The following LEPR variants were observed in gnomAD, a reference collection of about 807,000 sequenced individuals.
LEPR encodes OB receptor.
LEPR carries 56 observed loss-of-function variants against 114.7 expected under a neutral mutation model. The ratio of observed to expected loss-of-function variants is 0.49; its 90% CI spans 0.39 to 0.61. The LOEUF (loss-of-function observed/expected upper bound fraction) is 0.61, where lower values mean the gene tolerates loss of function less well. LEPR is among the 20% of genes least tolerant of loss of function. The pLI, the probability that LEPR is intolerant of heterozygous loss-of-function variation, is 0.00. For missense variants in LEPR, 1,202 were observed against 1,352.9 expected (o/e 0.89, Z 1.75); for synonymous variants, 443 against 461.4 (o/e 0.96, Z 0.51).
chr1:65,463,915 A>G (rs1035091185), intron 2 of LEPR, among the ~76,000 whole-genome samples: 2 of 152,256 alleles, frequency 1.3e-5, no homozygotes, highest in South Asian at 4.1e-4. Context: ...CAGCTTAAGG[A>G]GATTTTGGGC....
intron 2 of LEPR, among the ~76,000 whole-genome samples, chr1:65,437,917 C>T (rs551640033): frequency 6.6e-6 from 1 of 151,774 alleles, no homozygotes; most frequent in Non-Finnish European, 1.5e-5. Context: ...AAGGGTTCCT[C>T]CCACTTCTAC....
In LEPR at chr1:65,488,226, C is replaced by CTCTCTCTT. The variant is rs1553157734; in HGVS notation, c.-21+62851_-21+62852insCTCTTTCT. 5.3e-4 allele frequency among the ~76,000 whole-genome samples: 36 copies of CTCTCTCTT among 67,960 alleles called. 2 individuals carry two copies. The highest frequency in any genetic ancestry group is 1.8e-3 in the Admixed American group (12 of 6,544). 44.6% of individuals were successfully genotyped at this position (67,960 alleles called of 152,430 possible). A position where few individuals can be genotyped will look rare whatever the true frequency, so the allele number is the denominator to read the frequency against. ...TTTCTTTCTTTCTCTCTCTCTCTCT[C>CTCTCTCTT]TCTTTCTTTCTTTCTTTCTTTCTTT... On this transcript the variant is annotated intron_variant, in intron 2 of 19. Transcript: ENST00000349533.
intron 14 of LEPR, among the ~76,000 whole-genome samples, chr1:65,611,917 C>G (rs1657193856): frequency 6.6e-6 from 1 of 152,110 alleles, no homozygotes; most frequent in Admixed American, 6.5e-5. Context: ...TTTTGGACAA[C>G]AAAGCTCTAT....
chr1:65,544,382 T>G (rs746638665), intron 2 of LEPR, among the ~76,000 whole-genome samples: 14 of 152,144 alleles, frequency 9.2e-5, no homozygotes, highest in Non-Finnish European at 1.6e-4. Context: ...TCATGTCCTC[T>G]GCAAACAGAG....
In LEPR at chr1:65,636,184, C is replaced by G. The variant is rs772338174; in HGVS notation, c.2674-7C>G. On this transcript the variant is annotated splice_polypyrimidine_tract_variant and splice_region_variant and intron_variant, in intron 19 of 19. Transcript: ENST00000349533. ...AATTGAGCCTTAAAATGTGTCTTTT[C>G]TTTTAGCCAGAAACGTTTGAGCATC... 1 of 1,613,586 alleles carries G rather than the reference C, an allele frequency of 6.2e-7. No individual in the cohort carries two copies. The highest frequency in any genetic ancestry group is 1.7e-5 in the Admixed American group (1 of 59,980).
At chr1:65,584,214 T>C (rs938658845) in intron 5 of LEPR, among the ~76,000 whole-genome samples, 3 of 152,082 alleles carry the variant, frequency 2.0e-5, no homozygotes, top group African/African-American at 7.2e-5. Context: ...TCTTATACTT[T>C]TCCTGATATA....
chr1:65,460,100 C>T (rs958362836), intron 2 of LEPR, among the ~76,000 whole-genome samples: 2 of 151,306 alleles, frequency 1.3e-5, no homozygotes, highest in Non-Finnish European at 2.9e-5. Context: ...TAGTAATAAG[C>T]CAAGTAAGAG....
intron 19 of LEPR, 80 bp from the exon 20 acceptor site, chr1:65,636,111 A>G (rs750602557): frequency 2.5e-5 from 37 of 1,482,406 alleles, no homozygotes; most frequent in Non-Finnish European, 3.5e-5. Context: ...AACTTAACAC[A>G]CTTCCATTTC....
intron 2 of LEPR, among the ~76,000 whole-genome samples, chr1:65,488,620 T>C (rs550863410): frequency 1.3e-5 from 2 of 152,078 alleles, no homozygotes; most frequent in Admixed American, 6.6e-5. Context: ...TGAGCCACCA[T>C]GCCCAGCCTA....
intron 14 of LEPR, among the ~76,000 whole-genome samples, chr1:65,610,799 A>G (rs973207862): frequency 6.6e-6 from 1 of 152,218 alleles, no homozygotes; most frequent in African/African-American, 2.4e-5. Context: ...CCTCTCCCAA[A>G]TGAACTGATT....
At chr1:65,545,220 G>C (rs1356790282) in intron 2 of LEPR, among the ~76,000 whole-genome samples, 2 of 126,056 alleles carry the variant, frequency 1.6e-5, no homozygotes, top group Non-Finnish European at 3.5e-5. Flanking sequence ...TGGACATTTG[G>C]GTTGGTTCCA....
intron 2 of LEPR, among the ~76,000 whole-genome samples, chr1:65,488,194 T>TTCTTTC (rs1557620038): frequency 1.9e-3 from 43 of 22,994 alleles, no homozygotes; most frequent in Admixed American, 5.6e-3. Context: ...CTTTCTTTCT[T>TTCTTTC]TCTTTCTTTC....
At chr1:65,612,251 CG>C (rs1657224876) in intron 14 of LEPR, among the ~76,000 whole-genome samples, 1 of 152,258 alleles carries the variant, frequency 6.6e-6, no homozygotes, top group Admixed American at 6.5e-5. Context: ...TACAAAAAGA[CG>C]GCAAAGATAG....
Position 65,584,679 on chromosome 1 carries a change from G to A in LEPR, c.495-7978G>A, listed in dbSNP as rs142176027. Among the ~76,000 whole-genome samples the A allele has an allele frequency of 3.5e-4, 54 of 152,122 alleles. No individual in the cohort carries two copies. In the East Asian group the frequency reaches 8.7e-3, roughly 24 times the overall value. ...AGCGTACTAACTGAAGTGCAATATT[G>A]TTTACACTCATTTTGCCTTTACTAA... On this transcript the variant is annotated intron_variant, in intron 5 of 19. Coordinates refer to ENST00000349533, the MANE Select transcript of LEPR (RefSeq NM_002303.6).
chr1:65,435,513 T>G lies in LEPR; in HGVS notation c.-21+10135T>G, dbSNP rs183589068. 3.5e-3 allele frequency: 1,302 copies of G among 375,906 alleles called. 19 individuals carry two copies. In the Admixed American group the frequency reaches 0.047, roughly 14 times the overall value. The allele number at this position is 375,906 out of a possible 1,614,324, so 23.3% of individuals were successfully genotyped here. A position where few individuals can be genotyped will look rare whatever the true frequency, so the allele number is the denominator to read the frequency against. ...CTCCCAAGGAGCTGGGACTACAGGC[T>G]CCCGCCACCACGCCTGGCTAATTTT... is the stretch of plus-strand genomic sequence containing the variant. On this transcript the variant is annotated intron_variant, in intron 2 of 19. Transcript: ENST00000349533.
intron 2 of LEPR, chr1:65,431,743 A>G: frequency 6.6e-7 from 1 of 1,521,956 alleles, no homozygotes; most frequent in South Asian, 1.2e-5. Flanking sequence ...AATAATAGGG[A>G]TTGCAAAGAG....
Position 65,601,921 on chromosome 1 carries a change from A to G in LEPR, c.1364A>G (p.Gln455Arg). 1 of 1,613,730 alleles carries G rather than the reference A, an allele frequency of 6.2e-7. No individual in the cohort carries two copies. Among genetic ancestry groups the G allele is most frequent in the Non-Finnish European group, 8.5e-7 (1 of 1,179,686 alleles). ...TGCAGATGGTCAACCAGTACAATCCAGTCACTTGCGGAAAGCACTTTGCAA... is the reference window on the plus strand; with the variant it reads ...TGCAGATGGTCAACCAGTACAATCCGGTCACTTGCGGAAAGCACTTTGCAA... ...MTCRWSTSTI[Q>R]SLAESTLQLR... Residue 455 changes from glutamine (Q) to arginine (R), a missense_variant, in exon 10 of 20, where the codon CAG becomes CGG. Physicochemically the swap from Gln to Arg is conservative, Grantham distance 43. Coordinates refer to ENST00000349533, the MANE Select transcript of LEPR (RefSeq NM_002303.6).
At chr1:65,536,977 A>G (rs12140910) in intron 2 of LEPR, among the ~76,000 whole-genome samples, 9,900 of 152,238 alleles carry the variant, frequency 0.065, 515 homozygotes, top group South Asian at 0.27. Context: ...AAAATTGTCC[A>G]GTTGGTCATT....
rs1252315442 is a variant in LEPR at position 65,450,354 on chromosome 1, C to T, written c.-21+24976C>T. 1.8e-4 allele frequency among the ~76,000 whole-genome samples: 25 copies of T among 140,872 alleles called. 1 individual carries two copies. Among genetic ancestry groups the T allele is most frequent in the African/African-American group, 5.0e-4 (19 of 38,162 alleles). The allele number at this position is 140,872 out of a possible 152,430, so 92.4% of individuals were successfully genotyped here. ...GGTTAGTTACATATGTATACATGTG[C>T]CATGCTGGTGCGCTGCACCCACTAA... On this transcript the variant is annotated intron_variant, in intron 2 of 19. Coordinates refer to ENST00000349533, the MANE Select transcript of LEPR (RefSeq NM_002303.6).
Sources: allele counts gnomAD v4.1 joint callset (sites outside exome capture counted in the v4.1 genomes callset), GRCh38; gene constraint gnomAD v4.1.1; transcripts MANE v1.5; gene names NCBI Gene and HGNC (gene_info 2026-07-23, HGNC 2026-07-21).